Variants in SDCCAG8 observed in about 807,000 individuals in gnomAD.
The protein encoded by SDCCAG8 is serologically defined colon cancer antigen 8.
A neutral mutation model predicts 101.8 loss-of-function variants in SDCCAG8; 74 were observed. The ratio of observed to expected loss-of-function variants is 0.73; its 90% confidence interval spans 0.60 to 0.88. The LOEUF (loss-of-function observed/expected upper bound fraction) is 0.88, where lower values mean the gene tolerates loss of function less well. Ranked by LOEUF, SDCCAG8 falls within the 40% of genes least tolerant of loss-of-function variation. The pLI, the probability that SDCCAG8 is intolerant of heterozygous loss-of-function variation, is 0.00. For missense variants in SDCCAG8, 787 were observed against 822.6 expected, an observed-to-expected ratio of 0.96 and a Z score of 0.53; for synonymous variants, 281 against 292.9, an observed-to-expected ratio of 0.96 and a Z score of 0.41.
chr1:243,338,461 C>T (rs2802729), intron 10 of SDCCAG8, among the ~76,000 whole-genome samples: 5 of 149,964 alleles, frequency 3.3e-5, no homozygotes, highest in South Asian at 4.2e-4. Flanking sequence ...GGGAAGCTGT[C>T]GGAGAACAGA....
intron 17 of SDCCAG8, 100 bp downstream of exon 17, chr1:243,489,240 C>T: frequency 2.7e-6 from 4 of 1,461,566 alleles, no homozygotes; most frequent in Non-Finnish European, 2.8e-6. Context: ...CGGATCACAT[C>T]GGTTAGCAGT....
chr1:243,373,131 T>G (rs2077401922), intron 12 of SDCCAG8, among the ~76,000 whole-genome samples: 1 of 152,030 alleles, frequency 6.6e-6, no homozygotes, highest in Admixed American at 6.6e-5. Flanking sequence ...ATGGATTTTT[T>G]ACTATGGATC....
chr1:243,480,750 TGGG>T (rs1302950398), intron 16 of SDCCAG8, among the ~76,000 whole-genome samples: 4 of 44,580 alleles, frequency 9.0e-5, no homozygotes, highest in Non-Finnish European at 1.2e-4. Flanking sequence ...GATGGATGGA[TGGG>T]GGATGGATGG....
rs370268767 is a variant in SDCCAG8 at position 243,379,974 on chromosome 1, G to C, written c.1616+1111G>C. On this transcript the variant is annotated intron_variant, in intron 13 of 17. Coordinates refer to ENST00000366541, the MANE Select transcript of SDCCAG8 (RefSeq NM_006642.5). ...GGTTGGTGAACCTCCCAAAGTTTTG[G>C]GTGAGTGTTAAGATGCCTCTGGTTC... Among the ~76,000 whole-genome samples the C allele has an allele frequency of 4.7e-4, 72 of 152,186 alleles. 1 individual carries two copies. Among genetic ancestry groups the C allele is most frequent in the African/African-American group, 1.7e-3 (69 of 41,520 alleles).
At chr1:243,371,521 A>G (rs1027297040) in intron 12 of SDCCAG8, among the ~76,000 whole-genome samples, 1 of 152,140 alleles carries the variant, frequency 6.6e-6, no homozygotes, top group Non-Finnish European at 1.5e-5. Flanking sequence ...CTCAAAAGTG[A>G]TAGCTGGTAT....
At chr1:243,274,710 A>G (rs1051347307) in intron 4 of SDCCAG8, 54 bp downstream of exon 4, 5 of 1,044,388 alleles carry the variant, frequency 4.8e-6, no homozygotes, top group Non-Finnish European at 5.9e-6. Flanking sequence ...TATATTAACT[A>G]TAGATTGTAT....
chr1:243,324,213 A>T (rs2073974797), intron 9 of SDCCAG8, among the ~76,000 whole-genome samples: 1 of 151,888 alleles, frequency 6.6e-6, no homozygotes, highest in Non-Finnish European at 1.5e-5. Context: ...CCGCCTTCCC[A>T]TCTACCACTC....
At chr1:243,259,193 G>T (rs552735492) in intron 1 of SDCCAG8, among the ~76,000 whole-genome samples, 1 of 151,788 alleles carries the variant, frequency 6.6e-6, no homozygotes, top group Non-Finnish European at 1.5e-5. Flanking sequence ...GAGGTCAGGA[G>T]ATGGGAGACC....
chr1:243,388,088 G>C (rs530096350), intron 13 of SDCCAG8, among the ~76,000 whole-genome samples: 1 of 152,102 alleles, frequency 6.6e-6, no homozygotes, highest in Non-Finnish European at 1.5e-5. Context: ...GACTTTTTGG[G>C]TGAACTGAAA....
chr1:243,384,693 A>G (rs2078167152), intron 13 of SDCCAG8, among the ~76,000 whole-genome samples: 1 of 152,104 alleles, frequency 6.6e-6, no homozygotes, highest in Non-Finnish European at 1.5e-5. Flanking sequence ...CTGCAGTCCC[A>G]GAAACTTGGG....
intron 17 of SDCCAG8, among the ~76,000 whole-genome samples, chr1:243,494,216 TG>T (rs1431351264): frequency 6.6e-6 from 1 of 152,202 alleles, no homozygotes; most frequent in Non-Finnish European, 1.5e-5. Context: ...TCAACCAAAT[TG>T]TTGTTTTTTT....
intron 1 of SDCCAG8, among the ~76,000 whole-genome samples, chr1:243,259,660 AAAT>A (rs1356976211): frequency 6.6e-6 from 1 of 151,662 alleles, no homozygotes; most frequent in Non-Finnish European, 1.5e-5. Flanking sequence ...TCTCTACTAA[AAAT>A]ACAAAATGAG....
At chr1:243,462,877 A>C (rs990360215) in intron 16 of SDCCAG8, among the ~76,000 whole-genome samples, 3 of 151,884 alleles carry the variant, frequency 2.0e-5, no homozygotes, top group East Asian at 1.9e-4. Flanking sequence ...ACAAAAAAAA[A>C]CCCTAGGCTC....
chr1:243,294,590 C>T (rs1192088780), intron 6 of SDCCAG8, among the ~76,000 whole-genome samples: 2 of 148,820 alleles, frequency 1.3e-5, no homozygotes, highest in Admixed American at 1.4e-4. Context: ...TCCCATTTAA[C>T]CAGGCTTGCT....
chr1:243,418,145 C>A, intron 15 of SDCCAG8, 69 bp downstream of exon 15: 1 of 1,077,276 alleles, frequency 9.3e-7, no homozygotes, highest in Non-Finnish European at 1.4e-6. Flanking sequence ...CCTTAAAAAA[C>A]ATCATTTGCA....
intron 11 of SDCCAG8, 67 bp downstream of exon 11, chr1:243,341,240 A>G: frequency 1.3e-6 from 2 of 1,573,516 alleles, no homozygotes; most frequent in Non-Finnish European, 1.7e-6. Context: ...TGTTTTCCTA[A>G]TGTACAAAAC....
At chr1:243,493,599 T>TC (rs1378642780) in intron 17 of SDCCAG8, among the ~76,000 whole-genome samples, 1 of 151,920 alleles carries the variant, frequency 6.6e-6, no homozygotes. Context: ...TCCCTTTTAG[T>TC]CCCCTCATAT....
intron 12 of SDCCAG8, among the ~76,000 whole-genome samples, chr1:243,345,741 G>A (rs986773689): frequency 1.3e-5 from 2 of 150,726 alleles, no homozygotes; most frequent in Non-Finnish European, 3.0e-5. Flanking sequence ...AGGGACAATA[G>A]GAGTATAATA....
intron 16 of SDCCAG8, among the ~76,000 whole-genome samples, chr1:243,478,955 T>TAAAAAAA (rs1558524989): frequency 2.4e-4 from 8 of 33,890 alleles, no homozygotes; most frequent in Admixed American, 3.6e-4. Flanking sequence ...AGACTCTGTC[T>TAAAAAAA]CAAAAAAAAA....
Sources: allele counts gnomAD v4.1 joint callset (sites outside exome capture counted in the v4.1 genomes callset), GRCh38; gene constraint gnomAD v4.1.1; transcripts MANE v1.5; gene names NCBI Gene and HGNC (gene_info 2026-07-23, HGNC 2026-07-21).